ZNF608: variants seen among roughly 807,000 people sequenced by gnomAD.
ZNF608 encodes the protein zinc finger protein 608.
In ZNF608, 12 loss-of-function variants were observed where a neutral mutation model predicts 109.0. The observed-to-expected ratio is 0.11, with a 90% CI of 0.07 to 0.18. ZNF608 has a LOEUF of 0.18. ZNF608 is among the 10% of genes least tolerant of loss of function. The pLI is 1.00. For missense variants in ZNF608, 1,707 were observed against 1,879.3 expected (o/e 0.91, Z 1.70); for synonymous variants, 732 against 717.4 (o/e 1.02, Z -0.33).
intron 1 of ZNF608, 160 bp downstream of exon 1, chr5:124,746,035 T>C: frequency 1.5e-6 from 1 of 684,820 alleles, no homozygotes; most frequent in South Asian, 6.5e-5. Context: ...TTAAGTGATC[T>C]GCGCCAAGGT....
intron 3 of ZNF608, among the ~76,000 whole-genome samples, chr5:124,693,569 G>T (rs1414689080): frequency 6.6e-6 from 1 of 151,948 alleles, no homozygotes; most frequent in Non-Finnish European, 1.5e-5. Flanking sequence ...AAACCTATTG[G>T]TTCATTACTT....
Position 124,646,992 on chromosome 5 carries a change from C to G in ZNF608, c.3392G>C (p.Ser1131Thr), listed in dbSNP as rs138281065. The G allele has an allele frequency of 1.2e-3, 2,017 of 1,614,134 alleles. 4 individuals are homozygous for G. The highest frequency in any genetic ancestry group is 1.6e-3 in the Non-Finnish European group (1,843 of 1,180,008). Residue 1131 changes from serine to threonine, a missense_variant, in exon 5 of 10, where the codon AGT (serine) becomes ACT (threonine). Ser to Thr is a moderately conservative substitution (Grantham distance 58, BLOSUM62 1). Coordinates refer to ENST00000513986, the MANE Select transcript of ZNF608 (RefSeq NM_020747.3). ...QTGRGDCERK[S>T]ELPLKELGKE... ...GCCCAGCTCTTTCAAGGGGAGCTCA[C>G]TTTTCCTTTCACAGTCTCCTCTCCC...
intron 3 of ZNF608, among the ~76,000 whole-genome samples, chr5:124,668,740 G>C (rs112453317): frequency 1.3e-5 from 2 of 152,056 alleles, no homozygotes; most frequent in Non-Finnish European, 2.9e-5. Context: ...GGAGCCTTTC[G>C]GGAATTTTGC....
intron 2 of ZNF608, among the ~76,000 whole-genome samples, chr5:124,735,623 T>TGGA (rs1265631553): frequency 6.6e-6 from 1 of 152,186 alleles, no homozygotes; most frequent in East Asian, 1.9e-4. Flanking sequence ...AAGCAGATTG[T>TGGA]GGAGGATAAT....
intron 2 of ZNF608, chr5:124,710,547 T>A (rs1753447055): frequency 4.1e-6 from 1 of 244,750 alleles, no homozygotes; most frequent in African/African-American, 2.2e-5. Context: ...AAGACAATTT[T>A]GACTCCCTGT....
intron 3 of ZNF608, 129 bp downstream of exon 3, chr5:124,700,885 G>A: frequency 2.4e-6 from 3 of 1,264,902 alleles, no homozygotes; most frequent in Non-Finnish European, 2.2e-6. Context: ...CACAAATCCA[G>A]AGAGCGGAAA....
intron 2 of ZNF608, among the ~76,000 whole-genome samples, chr5:124,741,394 G>GGAAAAA (rs1749390585): frequency 1.5e-5 from 1 of 68,420 alleles, no homozygotes; most frequent in Non-Finnish European, 2.7e-5. Context: ...CTTCCAACCA[G>GGAAAAA]AAAAAAAAAA....
intron 2 of ZNF608, chr5:124,734,997 A>G (rs1397774721): frequency 2.0e-5 from 3 of 152,186 alleles, no homozygotes; most frequent in African/African-American, 7.2e-5. Context: ...GGGCAACCAT[A>G]GTTGCTTTGT....
intron 3 of ZNF608, among the ~76,000 whole-genome samples, chr5:124,672,684 T>C (rs1426180594): frequency 1.3e-5 from 2 of 152,224 alleles, no homozygotes; most frequent in Non-Finnish European, 2.9e-5. Flanking sequence ...ATAAAAATAC[T>C]GAGCCTATTA....
rs373557024 is a variant in ZNF608 at position 124,641,550 on chromosome 5, A to T, written c.4297-145T>A. Reference sequence around the variant, plus strand: ...TACAATTCTTTAGTAACTAAAGAGAATTTCAAAAAACATGCATTAGTTTCA... The same window carrying T: ...TACAATTCTTTAGTAACTAAAGAGATTTTCAAAAAACATGCATTAGTTTCA... On this transcript the variant is annotated intron_variant, in intron 7 of 9. Transcript: ENST00000513986. 20 of 974,096 alleles carry T rather than the reference A, an allele frequency of 2.1e-5. No homozygotes were observed. The East Asian group carries it at 4.3e-4, about 21-fold the overall frequency. The allele number at this position is 974,096 out of a possible 1,614,324, so 60.3% of individuals were successfully genotyped here. A position where few individuals can be genotyped will look rare whatever the true frequency, so the allele number is the denominator to read the frequency against.
chr5:124,690,781 A>G (rs1018013955), intron 3 of ZNF608, among the ~76,000 whole-genome samples: 1 of 152,206 alleles, frequency 6.6e-6, no homozygotes, highest in African/African-American at 2.4e-5. Context: ...GTAACTAACA[A>G]GTAACATGTA....
At chr5:124,652,024 C>T (rs1750809066) in intron 3 of ZNF608, among the ~76,000 whole-genome samples, 1 of 152,250 alleles carries the variant, frequency 6.6e-6, no homozygotes, top group South Asian at 2.1e-4. Context: ...AACACGCCGG[C>T]CCACGCAGAA....
intron 2 of ZNF608, among the ~76,000 whole-genome samples, chr5:124,728,224 T>C (rs1322276849): frequency 2.6e-5 from 4 of 152,150 alleles, no homozygotes; most frequent in African/African-American, 9.7e-5. Context: ...CGACTCACGA[T>C]GGGATTGAGG....
chr5:124,683,949 A>C (rs1194694978), intron 3 of ZNF608, among the ~76,000 whole-genome samples: 1 of 152,200 alleles, frequency 6.6e-6, no homozygotes, highest in Non-Finnish European at 1.5e-5. Context: ...TAATGGGTTC[A>C]TTCTTCTTTG....
chr5:124,668,634 A>G (rs1050791959), intron 3 of ZNF608, among the ~76,000 whole-genome samples: 2 of 152,194 alleles, frequency 1.3e-5, no homozygotes, highest in Admixed American at 6.5e-5. Flanking sequence ...GTAGGTGGCC[A>G]TCAGGACACC....
chr5:124,700,858 A>G (rs968869217), intron 3 of ZNF608, among the ~76,000 whole-genome samples, 156 bp downstream of exon 3: 1 of 152,210 alleles, frequency 6.6e-6, no homozygotes, highest in East Asian at 1.9e-4. Context: ...GAAGACAAAC[A>G]CGGCTCTTAC....
chr5:124,672,037 A>G (rs1751751723), intron 3 of ZNF608, among the ~76,000 whole-genome samples: 1 of 152,220 alleles, frequency 6.6e-6, no homozygotes, highest in Non-Finnish European at 1.5e-5. Flanking sequence ...GAATTAAGAA[A>G]GTATCCAGGA....
In ZNF608 at chr5:124,744,534, C is replaced by T. The variant is rs762640860; in HGVS notation, c.456G>A (p.Ala152=). ...CGCCGCTGCTCACACTTTGACCCAG[C>T]GCTGAATTCATGCCAGTTGCCTCTC... ...RPGEATGMNS[A]LGQSVSSGGS... The change falls in exon 2 of 10, where the codon GCG becomes GCA. Residue 152 remains alanine, a synonymous_variant. Transcript: ENST00000513986. This position sits in a 1 kb window ranked among gnomAD's most constrained non-coding sequence, Gnocchi z 4.5. The T allele has an allele frequency of 6.2e-7, 1 of 1,614,230 alleles. No individual in the cohort carries two copies. Among genetic ancestry groups the T allele is most frequent in the South Asian group, 1.1e-5 (1 of 91,090 alleles).
At chr5:124,724,229 T>A (rs973002515) in intron 2 of ZNF608, among the ~76,000 whole-genome samples, 2 of 152,068 alleles carry the variant, frequency 1.3e-5, no homozygotes. Flanking sequence ...TATATATTCT[T>A]GAACATACGG....
Sources: gnomAD v4.1 joint callset for allele counts (sites outside exome capture counted in the v4.1 genomes callset) on GRCh38, gnomAD v4.1.1 for gene constraint, Gnocchi (gnomAD v3.1) non-coding constraint, MANE v1.5 for transcripts, NCBI Gene and HGNC (gene_info 2026-07-23, HGNC 2026-07-21) for gene names.